PRDM6: variants seen among roughly 807,000 people sequenced by gnomAD.
The protein encoded by PRDM6 is PR/SET domain 6.
In PRDM6, 25 loss-of-function variants were observed where a neutral mutation model predicts 60.8. The observed-to-expected ratio is 0.41, with a 90% CI of 0.30 to 0.57. The LOEUF (loss-of-function observed/expected upper bound fraction) is 0.57, where lower values mean the gene tolerates loss of function less well. Ranked by LOEUF, PRDM6 falls within the 20% of genes least tolerant of loss-of-function variation. The probability of loss-of-function intolerance (pLI) is 0.27; values close to 1 mark genes in which losing one functional copy is unlikely to be tolerated. For missense variants in PRDM6, 839 were observed against 821.3 expected (o/e 1.02, Z -0.26); for synonymous variants, 407 against 357.4 (o/e 1.14, Z -1.57).
Position 123,111,587 on chromosome 5 carries a change from A to C in PRDM6, c.900+11626A>C, listed in dbSNP as rs998430871. Among the ~76,000 whole-genome samples the C allele has an allele frequency of 1.5e-4, 23 of 151,900 alleles. 1 individual carries two copies. The highest frequency in any genetic ancestry group is 5.6e-4 in the African/African-American group (23 of 41,318). On this transcript the variant is annotated intron_variant, in intron 3 of 7. Transcript: ENST00000407847. ...GTGACGGGCGCCTGTAGTCCCAGCT[A>C]CTCGGGAGCCTGAGGCAGGAGAATG...
chr5:123,147,279 A>AAGAGAGAGAGAGAGAG (rs3036135), intron 3 of PRDM6, among the ~76,000 whole-genome samples: 1,545 of 147,516 alleles, frequency 0.01, 14 homozygotes, highest in Middle Eastern at 0.04. Context: ...TGATACTAAA[A>AAGAGAGAGAGAGAGAG]AGAGAGAGAG....
chr5:123,101,060 C>G (rs1262142237), intron 3 of PRDM6, among the ~76,000 whole-genome samples: 1 of 152,200 alleles, frequency 6.6e-6, no homozygotes, highest in Non-Finnish European at 1.5e-5. Context: ...AAGAGATTGC[C>G]TCTCATACTT....
At chr5:123,111,516 G>A (rs867834255) in intron 3 of PRDM6, among the ~76,000 whole-genome samples, 3 of 152,142 alleles carry the variant, frequency 2.0e-5, no homozygotes, top group African/African-American at 7.2e-5. Flanking sequence ...AGCTAACACG[G>A]TGAAACCCCG....
At chr5:123,106,907 C>T (rs1764208729) in intron 3 of PRDM6, among the ~76,000 whole-genome samples, 1 of 152,222 alleles carries the variant, frequency 6.6e-6, no homozygotes, top group South Asian at 2.1e-4. Context: ...CAGCAATGAT[C>T]ATTGACAACA....
intron 5 of PRDM6, among the ~76,000 whole-genome samples, chr5:123,167,673 G>A (rs1300281113): frequency 6.6e-6 from 1 of 152,216 alleles, no homozygotes; most frequent in Non-Finnish European, 1.5e-5. Flanking sequence ...ACAGGCGTGA[G>A]CCACCACATC....
At chr5:123,145,639 C>T (rs932166156) in intron 3 of PRDM6, among the ~76,000 whole-genome samples, 1 of 152,134 alleles carries the variant, frequency 6.6e-6, no homozygotes, top group African/African-American at 2.4e-5. Context: ...GTTGTCTGAT[C>T]CAGGGCAGGA....
chr5:123,091,092 G>T (rs887464785), intron 2 of PRDM6, among the ~76,000 whole-genome samples: 1 of 152,190 alleles, frequency 6.6e-6, no homozygotes, highest in African/African-American at 2.4e-5. Flanking sequence ...ACCTCTGGAG[G>T]GGTCATTTTC....
chr5:123,142,827 A>G (rs1765136174), intron 3 of PRDM6, among the ~76,000 whole-genome samples: 1 of 148,464 alleles, frequency 6.7e-6, no homozygotes, highest in Non-Finnish European at 1.5e-5. Flanking sequence ...TAAAACCAGT[A>G]TATCACAACA....
At chr5:123,119,131 T>C (rs1447649888) in intron 3 of PRDM6, among the ~76,000 whole-genome samples, 1 of 152,160 alleles carries the variant, frequency 6.6e-6, no homozygotes, top group East Asian at 1.9e-4. Flanking sequence ...GTGACTGATG[T>C]GTAGTAGGTA....
At chr5:123,091,209 G>A (rs1344947936) in intron 2 of PRDM6, among the ~76,000 whole-genome samples, 1 of 152,152 alleles carries the variant, frequency 6.6e-6, no homozygotes, top group African/African-American at 2.4e-5. Context: ...AAGGCAGGCA[G>A]TATTCTTAGA....
chr5:123,183,922 C>T (rs2126892959), intron 7 of PRDM6, among the ~76,000 whole-genome samples: 1 of 152,170 alleles, frequency 6.6e-6, no homozygotes, highest in East Asian at 1.9e-4. Flanking sequence ...TGAGAACAGG[C>T]CAGAATTTTC....
At chr5:123,183,278 C>A (rs1644343144) in intron 7 of PRDM6, among the ~76,000 whole-genome samples, 1 of 152,170 alleles carries the variant, frequency 6.6e-6, no homozygotes, top group African/African-American at 2.4e-5. Flanking sequence ...ATTGTCCCAC[C>A]CATCCAGGGC....
intron 3 of PRDM6, among the ~76,000 whole-genome samples, chr5:123,134,667 C>T (rs1194683249): frequency 6.6e-6 from 1 of 151,912 alleles, no homozygotes; most frequent in Non-Finnish European, 1.5e-5. Context: ...TGAAATTAAG[C>T]CAGAATAACT....
intron 3 of PRDM6, among the ~76,000 whole-genome samples, chr5:123,106,402 G>C (rs536837849): frequency 4.1e-4 from 62 of 152,276 alleles, no homozygotes; most frequent in African/African-American, 1.5e-3. Flanking sequence ...GTGTGGCCGG[G>C]CCTCCTGACT....
chr5:123,140,942 T>C (rs577013049), intron 3 of PRDM6, among the ~76,000 whole-genome samples: 125 of 152,238 alleles, frequency 8.2e-4, no homozygotes, highest in African/African-American at 3.0e-3. Context: ...CCCTTTTAAA[T>C]TGAACCTCAG....
rs563750527 is a variant in PRDM6 at position 123,110,793 on chromosome 5, C to T, written c.900+10832C>T. Among the ~76,000 whole-genome samples the T allele has an allele frequency of 1.5e-4, 23 of 151,946 alleles. No homozygotes were observed. In the South Asian group the frequency reaches 3.5e-3, roughly 23 times the overall value. ...GTTGGTCAGGATGGTCTCGAACTCC[C>T]GACCTCAGTGATCTGCCCGCCTCGG... is the stretch of plus-strand genomic sequence containing the variant. On this transcript the variant is annotated intron_variant, in intron 3 of 7. Coordinates refer to ENST00000407847, the MANE Select transcript of PRDM6 (RefSeq NM_001136239.4).
chr5:123,146,153 T>A (rs1385601388), intron 3 of PRDM6, among the ~76,000 whole-genome samples: 1 of 152,192 alleles, frequency 6.6e-6, no homozygotes, highest in African/African-American at 2.4e-5. Flanking sequence ...AGCTGCTTCT[T>A]GGAAATCATA....
intron 4 of PRDM6, 100 bp downstream of exon 4, chr5:123,156,111 A>T (rs1765492798): frequency 1.7e-6 from 2 of 1,178,026 alleles, no homozygotes; most frequent in Middle Eastern, 2.1e-4. Context: ...ATCCTGCAGA[A>T]CTCTGCAAGG....
Position 123,090,216 on chromosome 5 carries a change from A to G in PRDM6, c.202A>G (p.Ser68Gly). The stretch of plus-strand genomic sequence containing the variant: ...GGAGCGCGCTGAGCCTCCGCCGGAC[A>G]GCCTGCGCCCGCGGCCCGCCTCTCT... The part of the protein sequence containing the change: ...PPERAEPPPD[S>G]LRPRPASLSS... The change falls in exon 2 of 8, where the codon AGC (serine) becomes GGC (glycine). Residue 68 changes from serine (S) to glycine (G), a missense_variant. Physicochemically the swap from Ser to Gly is moderately conservative, Grantham distance 56. Around this residue, in one of 2 missense-constraint regions of PRDM6, gnomAD observed 730 missense variants for 648.8 expected, o/e 1.13. Coordinates refer to ENST00000407847, the MANE Select transcript of PRDM6 (RefSeq NM_001136239.4). The G allele has an allele frequency of 4.8e-6, 7 of 1,472,330 alleles. No individual in the cohort carries two copies. The highest frequency in any genetic ancestry group is 6.3e-6 in the Non-Finnish European group (7 of 1,113,298). 91.2% of individuals were successfully genotyped at this position (1,472,330 alleles called of 1,614,324 possible). A position where few individuals can be genotyped will look rare whatever the true frequency, so the allele number is the denominator to read the frequency against.
Sources: gnomAD v4.1 joint callset for allele counts (sites outside exome capture counted in the v4.1 genomes callset) on GRCh38, gnomAD v4.1.1 for gene constraint, gnomAD v4.1.1 regional missense constraint, MANE v1.5 for transcripts, NCBI Gene and HGNC (gene_info 2026-07-23, HGNC 2026-07-21) for gene names.